PTPRR: variants seen among roughly 807,000 people sequenced by gnomAD.
The protein encoded by PTPRR is protein tyrosine phosphatase receptor type R.
PTPRR carries 38 observed loss-of-function variants against 77.2 expected under a neutral mutation model. The ratio of observed to expected loss-of-function variants is 0.49; its 90% CI spans 0.38 to 0.65. The LOEUF (loss-of-function observed/expected upper bound fraction) is 0.65, where lower values mean the gene tolerates loss of function less well. Among genes scored for constraint, PTPRR ranks in the 30% least tolerant of loss-of-function variants. The pLI, the probability that PTPRR is intolerant of heterozygous loss-of-function variation, is 0.00. For synonymous variants in PTPRR, 299 were observed against 283.1 expected (o/e 1.06, Z -0.57); for missense variants, 744 against 799.2 (o/e 0.93, Z 0.83).
intron 2 of PTPRR, among the ~76,000 whole-genome samples, chr12:70,777,105 A>C (rs1015845619): frequency 6.6e-6 from 1 of 152,034 alleles, no homozygotes; most frequent in Non-Finnish European, 1.5e-5. Flanking sequence ...TGAACTATAC[A>C]TTTTGTTCCA....
chr12:70,886,515 T>C (rs998690023), intron 2 of PTPRR, among the ~76,000 whole-genome samples: 1 of 152,212 alleles, frequency 6.6e-6, no homozygotes, highest in Non-Finnish European at 1.5e-5. Flanking sequence ...TTATGGATCC[T>C]TTAAGTCAAC....
At chr12:70,860,979 T>C (rs369198328) in intron 2 of PTPRR, among the ~76,000 whole-genome samples, 2 of 152,166 alleles carry the variant, frequency 1.3e-5, no homozygotes, top group Non-Finnish European at 2.9e-5. Context: ...GGAAATAGTA[T>C]GCATGCATTT....
chr12:70,654,384 C>T (rs1438510136), intron 13 of PTPRR, among the ~76,000 whole-genome samples: 3 of 152,072 alleles, frequency 2.0e-5, no homozygotes, highest in Admixed American at 6.6e-5. Flanking sequence ...TCGAGACTGG[C>T]CTGGGCAACA....
chr12:70,727,985 T>C lies in PTPRR; in HGVS notation c.1007+17833A>G, dbSNP rs144155502. Among the ~76,000 whole-genome samples the C allele has an allele frequency of 8.2e-3, 1,245 of 152,320 alleles. 60 individuals are homozygous for C. The highest frequency in any genetic ancestry group is 0.069 in the Admixed American group (1,063 of 15,308). ...ACAAGTGCATGCAGAGCTCAGCTCA[T>C]TGAGGCATCAGAGAAGGGCCCAGGC... is the stretch of plus-strand genomic sequence containing the variant. On this transcript the variant is annotated intron_variant, in intron 6 of 13. Coordinates refer to ENST00000283228, the MANE Select transcript of PTPRR (RefSeq NM_002849.4).
chr12:70,764,569 C>G (rs906188587), intron 3 of PTPRR, 96 bp downstream of exon 3: 1 of 989,738 alleles, frequency 1.0e-6, no homozygotes. Flanking sequence ...CCGGATTTGG[C>G]TCATTAGCCA....
Position 70,904,568 on chromosome 12 carries a change from GTT to G in PTPRR, c.59-11593_59-11592del, listed in dbSNP as rs759293857. Among the ~76,000 whole-genome samples, 148 of 151,960 alleles carry G rather than the reference GTT, an allele frequency of 9.7e-4. 2 individuals are homozygous for G. The highest frequency in any genetic ancestry group is 6.2e-4 in the South Asian group (3 of 4,818). ...GTTGGAGACAAAAAGATAGTAGGAA[GTT>G]TTTTTGTGGTGAGCGAACTATTCTG... On this transcript the variant is annotated intron_variant, in intron 1 of 13. Transcript: ENST00000283228.
chr12:70,899,559 G>T (rs1189049935), intron 1 of PTPRR, among the ~76,000 whole-genome samples: 2 of 151,366 alleles, frequency 1.3e-5, no homozygotes, highest in Non-Finnish European at 3.0e-5. Flanking sequence ...AGAAATAGAA[G>T]AGAATGTTCT....
At chr12:70,886,931 T>C (rs1893249965) in intron 2 of PTPRR, among the ~76,000 whole-genome samples, 1 of 152,170 alleles carries the variant, frequency 6.6e-6, no homozygotes, top group Admixed American at 6.5e-5. Flanking sequence ...ATAAAAGATA[T>C]TAGCTAGAAG....
intron 1 of PTPRR, among the ~76,000 whole-genome samples, chr12:70,901,884 A>G (rs1192643375): frequency 6.6e-6 from 1 of 151,714 alleles, no homozygotes; most frequent in Non-Finnish European, 1.5e-5. Flanking sequence ...TTAGTTTTTA[A>G]AGGAACCTCT....
At chr12:70,671,830 C>T in intron 10 of PTPRR, 1 of 566,046 alleles carries the variant, frequency 1.8e-6, no homozygotes, top group Non-Finnish European at 3.2e-6. Flanking sequence ...GTCATTGGTG[C>T]CAGTGCTCAG....
At chr12:70,872,520 C>G (rs1211500204) in intron 2 of PTPRR, among the ~76,000 whole-genome samples, 8 of 151,314 alleles carry the variant, frequency 5.3e-5, no homozygotes, top group African/African-American at 1.7e-4. Context: ...ATGATGAAAC[C>G]CCGTCTCTAC....
At chr12:70,719,550 A>AT (rs1327102994) in intron 6 of PTPRR, among the ~76,000 whole-genome samples, 16 of 151,132 alleles carry the variant, frequency 1.1e-4, no homozygotes, top group East Asian at 5.9e-4. Flanking sequence ...AAAAAAAATC[A>AT]TTTTTTTAAA....
At position 70,738,821 on chromosome 12, in the gene PTPRR, C is replaced by T. The variant is rs556757602; in HGVS notation, c.1007+6997G>A. On this transcript the variant is annotated intron_variant, in intron 6 of 13. Coordinates refer to ENST00000283228, the MANE Select transcript of PTPRR (RefSeq NM_002849.4). ...ACTGTGCCAGCCATGTGACATTTGT[C>T]ATGTAGCTTAACTGTCCCAAGAGCT... is the stretch of plus-strand genomic sequence containing the variant. Among the ~76,000 whole-genome samples the T allele has an allele frequency of 7.2e-5, 11 of 152,306 alleles. No individual in the cohort carries two copies. The East Asian group carries it at 1.9e-3, about 27-fold the overall frequency.
At chr12:70,850,450 T>C (rs1160962379) in intron 2 of PTPRR, among the ~76,000 whole-genome samples, 2 of 152,186 alleles carry the variant, frequency 1.3e-5, no homozygotes, top group Admixed American at 6.6e-5. Context: ...AATAATAAGC[T>C]GAATCCAACT....
At chr12:70,820,633 A>G (rs749806068) in intron 2 of PTPRR, among the ~76,000 whole-genome samples, 1 of 152,126 alleles carries the variant, frequency 6.6e-6, no homozygotes, top group Non-Finnish European at 1.5e-5. Context: ...GCGCCCAGCC[A>G]CTGTTTTTTC....
intron 8 of PTPRR, among the ~76,000 whole-genome samples, chr12:70,693,204 A>G (rs1283886848): frequency 6.6e-6 from 1 of 152,232 alleles, no homozygotes; most frequent in Non-Finnish European, 1.5e-5. Flanking sequence ...AACTGCTTAG[A>G]AACAGTTTCC....
chr12:70,810,496 G>A (rs1433504735), intron 2 of PTPRR, among the ~76,000 whole-genome samples: 1 of 152,130 alleles, frequency 6.6e-6, no homozygotes, highest in African/African-American at 2.4e-5. Flanking sequence ...CTCTTTGAGA[G>A]TCATCACTTA....
intron 2 of PTPRR, among the ~76,000 whole-genome samples, chr12:70,823,962 A>G (rs943263745): frequency 6.6e-6 from 1 of 152,204 alleles, no homozygotes; most frequent in Admixed American, 6.5e-5. Flanking sequence ...GCAATTGAGC[A>G]GTGAGGGAGA....
At chr12:70,653,991 G>A (rs1284424517) in intron 13 of PTPRR, among the ~76,000 whole-genome samples, 2 of 152,188 alleles carry the variant, frequency 1.3e-5, no homozygotes, top group African/African-American at 4.8e-5. Flanking sequence ...AGAGGCTACT[G>A]TCTAAAAAGG....
Sources: gnomAD v4.1 joint callset for allele counts (sites outside exome capture counted in the v4.1 genomes callset) on GRCh38, gnomAD v4.1.1 for gene constraint, MANE v1.5 for transcripts, NCBI Gene and HGNC (gene_info 2026-07-23, HGNC 2026-07-21) for gene names.